The following NAALADL2 variants were observed in gnomAD, a reference collection of about 807,000 sequenced individuals.
NAALADL2 encodes inactive N-acetylated-alpha-linked acidic dipeptidase-like protein 2.
A neutral mutation model predicts 87.2 loss-of-function variants in NAALADL2; 76 were observed. That is an observed-to-expected ratio of 0.87 (90% confidence interval 0.72 to 1.05). The LOEUF (loss-of-function observed/expected upper bound fraction) is 1.05. Ranked by LOEUF, NAALADL2 falls within the 50% of genes least tolerant of loss-of-function variation. The pLI is 0.00. For missense variants in NAALADL2, 1,089 were observed against 945.8 expected (o/e 1.15, Z -1.99); for synonymous variants, 354 against 331.0 (o/e 1.07, Z -0.75).
intron 5 of NAALADL2, among the ~76,000 whole-genome samples, chr3:175,429,441 G>A (rs1581847460): frequency 6.6e-6 from 1 of 151,926 alleles, no homozygotes; most frequent in Non-Finnish European, 1.5e-5. Context: ...CTTAATTCAA[G>A]GCCTTTACAT....
intron 2 of NAALADL2, among the ~76,000 whole-genome samples, chr3:175,180,940 T>A (rs1736374118): frequency 1.3e-5 from 2 of 152,048 alleles, no homozygotes; most frequent in South Asian, 4.1e-4. Flanking sequence ...GAGCTGAATT[T>A]GATTTCAGAC....
At chr3:175,182,553 T>TTTG (rs1736733813) in intron 2 of NAALADL2, among the ~76,000 whole-genome samples, 2 of 96,884 alleles carry the variant, frequency 2.1e-5, no homozygotes, top group Admixed American at 2.2e-4. Context: ...ACAGCCAGTT[T>TTTG]TTTTTTTTTT....
At chr3:175,045,314 C>T (rs566264728) in intron 1 of NAALADL2, among the ~76,000 whole-genome samples, 19 of 152,240 alleles carry the variant, frequency 1.2e-4, no homozygotes, top group Admixed American at 2.6e-4. Flanking sequence ...ATTTTCTCTT[C>T]TCCTCCATTA....
At chr3:175,291,342 T>C (rs1755613592) in intron 4 of NAALADL2, among the ~76,000 whole-genome samples, 1 of 152,294 alleles carries the variant, frequency 6.6e-6, no homozygotes, top group Admixed American at 6.5e-5. Flanking sequence ...CAATTTGCTA[T>C]GCTTATTATA....
chr3:175,628,520 C>A (rs1260404123), intron 11 of NAALADL2, among the ~76,000 whole-genome samples: 1 of 149,762 alleles, frequency 6.7e-6, no homozygotes, highest in Non-Finnish European at 1.5e-5. Flanking sequence ...TTACATTTAC[C>A]AATTATTTAT....
intron 4 of NAALADL2, among the ~76,000 whole-genome samples, chr3:175,309,604 A>G (rs1758118064): frequency 6.6e-6 from 1 of 151,720 alleles, no homozygotes; most frequent in African/African-American, 2.4e-5. Flanking sequence ...TTTCAGGATA[A>G]CTGTTTTTTT....
At chr3:175,779,195 A>G (rs1374968984) in intron 13 of NAALADL2, among the ~76,000 whole-genome samples, 1 of 152,154 alleles carries the variant, frequency 6.6e-6, no homozygotes. Flanking sequence ...TCACATAGGA[A>G]TTTAATCTCC....
At chr3:175,250,536 T>A (rs1396480285) in intron 3 of NAALADL2, among the ~76,000 whole-genome samples, 1 of 152,212 alleles carries the variant, frequency 6.6e-6, no homozygotes, top group Admixed American at 6.5e-5. Flanking sequence ...CAATAGTCAT[T>A]ACTCAACAAA....
chr3:175,520,886 A>C (rs1732559792), intron 9 of NAALADL2, among the ~76,000 whole-genome samples: 1 of 152,162 alleles, frequency 6.6e-6, no homozygotes, highest in African/African-American at 2.4e-5. Flanking sequence ...GTCCAAAAGA[A>C]AGAAGAAGAA....
chr3:174,672,228 T>C (rs530206549), intron 2 of NAALADL2, among the ~76,000 whole-genome samples: 1 of 152,076 alleles, frequency 6.6e-6, no homozygotes, highest in Non-Finnish European at 1.5e-5. Context: ...TTCTCTATAC[T>C]TCATACTTGG....
chr3:174,523,122 G>A (rs553914073), intron 1 of NAALADL2, among the ~76,000 whole-genome samples: 27 of 152,060 alleles, frequency 1.8e-4, no homozygotes, highest in Non-Finnish European at 3.5e-4. Context: ...CCAGAACTGT[G>A]AGAAACAAAT....
At chr3:175,426,086 G>A (rs898070835) in intron 5 of NAALADL2, among the ~76,000 whole-genome samples, 9 of 152,244 alleles carry the variant, frequency 5.9e-5, no homozygotes, top group Non-Finnish European at 8.8e-5. Context: ...ACTTATGGCC[G>A]GGTGCAGTGG....
At chr3:175,139,249 T>C (rs1466828646) in intron 2 of NAALADL2, among the ~76,000 whole-genome samples, 1 of 151,938 alleles carries the variant, frequency 6.6e-6, no homozygotes, top group African/African-American at 2.4e-5. Flanking sequence ...CTTTCCCTTT[T>C]AAATACATCC....
At chr3:174,677,702 T>C (rs1246698112) in intron 2 of NAALADL2, among the ~76,000 whole-genome samples, 7 of 152,186 alleles carry the variant, frequency 4.6e-5, no homozygotes, top group Non-Finnish European at 8.8e-5. Context: ...TAATGAATAT[T>C]GTTGATTCAT....
chr3:174,504,010 A>T (rs1028013036), intron 1 of NAALADL2, among the ~76,000 whole-genome samples: 2 of 152,140 alleles, frequency 1.3e-5, no homozygotes, highest in Non-Finnish European at 2.9e-5. Flanking sequence ...TTTGCATATT[A>T]TTCTAGAACT....
chr3:174,994,712 A>G (rs1747195872), intron 1 of NAALADL2, among the ~76,000 whole-genome samples: 2 of 152,202 alleles, frequency 1.3e-5, no homozygotes, highest in South Asian at 4.1e-4. Context: ...AATTTCTTCT[A>G]TAAAGAAGAA....
intron 10 of NAALADL2, among the ~76,000 whole-genome samples, chr3:175,622,928 A>G (rs1314922161): frequency 6.6e-6 from 1 of 152,116 alleles, no homozygotes; most frequent in African/African-American, 2.4e-5. Flanking sequence ...CATACCTGCA[A>G]TAAAATAGAA....
intron 9 of NAALADL2, among the ~76,000 whole-genome samples, chr3:175,574,539 T>C (rs62285567): frequency 0.16 from 23,719 of 151,946 alleles, 2,002 homozygotes; most frequent in African/African-American, 0.2. Flanking sequence ...TGGTGAGGGG[T>C]GGTTTCCAGC....
At chr3:174,585,930 T>C (rs1053487497) in intron 2 of NAALADL2, among the ~76,000 whole-genome samples, 5 of 152,172 alleles carry the variant, frequency 3.3e-5, no homozygotes, top group Non-Finnish European at 5.9e-5. Context: ...TATGCTTCTA[T>C]TTTCTGGTCT....
Sources: gnomAD v4.1 joint callset for allele counts (sites outside exome capture counted in the v4.1 genomes callset) on GRCh38, gnomAD v4.1.1 for gene constraint, MANE v1.5 for transcripts, NCBI Gene and HGNC (gene_info 2026-07-23, HGNC 2026-07-21) for gene names.